Variants in PPIG observed in about 807,000 individuals in gnomAD.
PPIG encodes peptidyl-prolyl cis-trans isomerase G.
Under a neutral mutation model 87.9 loss-of-function variants are expected in PPIG, and 26 were observed. That is an observed-to-expected ratio of 0.30 (90% CI 0.22 to 0.41). PPIG has a LOEUF of 0.41. Among genes scored for constraint, PPIG ranks in the 10% least tolerant of loss-of-function variants. PPIG has a pLI of 1.00. For missense variants in PPIG, 722 were observed against 879.4 expected (o/e 0.82, Z 2.26); for synonymous variants, 308 against 276.5 (o/e 1.11, Z -1.13).
At chr2:169,606,495 G>A (rs550109726) in intron 5 of PPIG, among the ~76,000 whole-genome samples, 35 of 147,422 alleles carry the variant, frequency 2.4e-4, no homozygotes, top group Middle Eastern at 3.3e-3. Context: ...GAGAGGCTGA[G>A]GCAGGAGAAT....
intron 1 of PPIG, among the ~76,000 whole-genome samples, chr2:169,591,794 C>T (rs1290212141): frequency 3.4e-5 from 5 of 148,040 alleles, no homozygotes; most frequent in East Asian, 3.9e-4. Context: ...TTTTTTTTTC[C>T]AAGAAAAATT....
At position 169,617,469 on chromosome 2, in the gene PPIG, G is replaced by A. The variant is rs1005087171; in HGVS notation, c.547+2745G>A. ...CTTTGGGCAGTATGGCCATTTTTAC[G>A]ATATTGATTCTCCCTATCCATGAGC... On this transcript the variant is annotated intron_variant, in intron 9 of 13. Coordinates refer to ENST00000260970, the MANE Select transcript of PPIG (RefSeq NM_004792.3). Among the ~76,000 whole-genome samples the A allele has an allele frequency of 2.6e-5, 4 of 152,052 alleles. 1 individual carries two copies. Among genetic ancestry groups the A allele is most frequent in the Non-Finnish European group, 5.9e-5 (4 of 68,000 alleles).
intron 9 of PPIG, among the ~76,000 whole-genome samples, chr2:169,630,050 TC>T (rs1685995276): frequency 1.3e-5 from 2 of 152,288 alleles, no homozygotes; most frequent in Middle Eastern, 6.8e-3. Context: ...TGGGTCAAGC[TC>T]CTCCCAATTT....
intron 1 of PPIG, among the ~76,000 whole-genome samples, chr2:169,589,435 C>T (rs1390757971): frequency 6.6e-6 from 1 of 152,136 alleles, no homozygotes; most frequent in Non-Finnish European, 1.5e-5. Flanking sequence ...ATATGAACTA[C>T]ATTAAGAGTA....
At chr2:169,604,314 G>C in intron 4 of PPIG, 53 bp downstream of exon 4, 1 of 882,818 alleles carries the variant, frequency 1.1e-6, no homozygotes, top group Admixed American at 2.7e-5. Context: ...ACTATGGCTT[G>C]CTTGCTTGCT....
At chr2:169,634,039 G>C (rs908695709) in intron 12 of PPIG, among the ~76,000 whole-genome samples, 1 of 151,794 alleles carries the variant, frequency 6.6e-6, no homozygotes, top group Non-Finnish European at 1.5e-5. Flanking sequence ...ATGTTGGCCA[G>C]GCTGGTCTCA....
rs1666892402 is a variant in PPIG, at chr2:169,636,944, A to T, written c.1686A>T (p.Thr562=). 6.2e-7 allele frequency: 1 copy of T among 1,613,930 alleles called. No homozygotes were observed. Among genetic ancestry groups the T allele is most frequent in the South Asian group, 1.1e-5 (1 of 91,088 alleles). The part of the protein sequence containing the change: ...TKGKHSYNSR[T]RERSRSRDRS... ...GTAAACACAGTTATAATAGCAGAAC[A>T]AGAGAACGAAGCAGAAGTAGGGACA... Residue 562 remains threonine (T), a synonymous_variant, in exon 14 of 14, where the codon ACA becomes ACT. Coordinates refer to ENST00000260970, the MANE Select transcript of PPIG (RefSeq NM_004792.3).
chr2:169,602,697 G>C (rs1685218207), intron 1 of PPIG, among the ~76,000 whole-genome samples: 1 of 152,134 alleles, frequency 6.6e-6, no homozygotes, highest in Non-Finnish European at 1.5e-5. Context: ...GAGCAGTGCT[G>C]GTCTAGAGCC....
chr2:169,632,495 A>G lies in PPIG; in HGVS notation c.929+562A>G, dbSNP rs554040572. Among the ~76,000 whole-genome samples, 152 of 152,312 alleles carry G rather than the reference A, an allele frequency of 1.0e-3. 1 individual carries two copies. The highest frequency in any genetic ancestry group is 3.5e-3 in the African/African-American group (145 of 41,574). ...AGTGGCTCACGCCTGTAATCCCAGC[A>G]CTTTGGGAGGCTGAGGCGGGCAGAT... On this transcript the variant is annotated intron_variant, in intron 11 of 13. Transcript: ENST00000260970.
intron 9 of PPIG, among the ~76,000 whole-genome samples, chr2:169,623,400 A>G (rs1390032807): frequency 2.0e-5 from 3 of 152,244 alleles, no homozygotes; most frequent in African/African-American, 2.4e-5. Flanking sequence ...CTTGAGAAGT[A>G]GGATATACAT....
At chr2:169,619,866 C>G (rs1266558423) in intron 9 of PPIG, among the ~76,000 whole-genome samples, 5 of 152,020 alleles carry the variant, frequency 3.3e-5, no homozygotes, top group Non-Finnish European at 7.4e-5. Flanking sequence ...TACCTGTTGG[C>G]CATTTGTATG....
chr2:169,636,226 T>G lies in PPIG; in HGVS notation c.1152T>G (p.Asp384Glu). Residue 384 changes from aspartate to glutamate, a missense_variant and splice_region_variant, in exon 13 of 14, where the codon GAT (aspartate) becomes GAG (glutamate). This residue lies in a region of PPIG where 476 missense variants were observed against 483.1 expected (regional missense o/e 0.99). Transcript: ENST00000260970. ...VSSGERWIKG[D>E]KSELNEIKEN... ...GTGGTGAAAGATGGATCAAGGGGGA[T>G]AAGTAAGATTTAACTATTATTATTT... The G allele has an allele frequency of 3.1e-6, 5 of 1,591,006 alleles. No individual in the cohort carries two copies. Among genetic ancestry groups the G allele is most frequent in the Non-Finnish European group, 4.3e-6 (5 of 1,173,642 alleles).
intron 1 of PPIG, among the ~76,000 whole-genome samples, chr2:169,588,088 C>T (rs1404481331): frequency 1.3e-5 from 2 of 152,028 alleles, no homozygotes; most frequent in African/African-American, 4.8e-5. Flanking sequence ...TCGCTTGAAC[C>T]CGGGAGGTGG....
chr2:169,614,030 C>T (rs978138049), intron 7 of PPIG, among the ~76,000 whole-genome samples: 1 of 152,208 alleles, frequency 6.6e-6, no homozygotes, highest in African/African-American at 2.4e-5. Context: ...ATAGCCCGTG[C>T]TTAACTGTTT....
In PPIG at chr2:169,584,363, C is replaced by A. The variant is rs546200343; in HGVS notation, c.-197C>A. The stretch of plus-strand genomic sequence containing the variant: ...ACGCGCTTCCGGTGCGACGCTGTCT[C>A]TCCATGCCAGGACTGAGTTGTGGGG... On this transcript the variant is annotated 5_prime_UTR_variant, in exon 1 of 14. Coordinates refer to ENST00000260970, the MANE Select transcript of PPIG (RefSeq NM_004792.3). 4.2e-6 allele frequency: 2 copies of A among 471,036 alleles called. No homozygotes were observed. Among genetic ancestry groups the A allele is most frequent in the African/African-American group, 4.0e-5 (2 of 50,106 alleles). The allele number at this position is 471,036 out of a possible 1,614,324, so 29.2% of individuals were successfully genotyped here.
At chr2:169,618,509 T>A (rs936875283) in intron 9 of PPIG, among the ~76,000 whole-genome samples, 1 of 152,224 alleles carries the variant, frequency 6.6e-6, no homozygotes, top group African/African-American at 2.4e-5. Context: ...GGTAGTCTGT[T>A]AATTACTGCC....
At chr2:169,621,046 A>T (rs1685734318) in intron 9 of PPIG, among the ~76,000 whole-genome samples, 1 of 152,104 alleles carries the variant, frequency 6.6e-6, no homozygotes. Flanking sequence ...TAAGTTCTTT[A>T]CTGTGTCAGG....
intron 9 of PPIG, among the ~76,000 whole-genome samples, chr2:169,621,914 G>A (rs1021641364): frequency 1.3e-4 from 18 of 143,194 alleles, no homozygotes; most frequent in Non-Finnish European, 2.3e-4. Context: ...CAACATTGTG[G>A]GACTCTTCCC....
Position 169,641,140 on chromosome 2 carries a change from TC to T in PPIG, c.*3618del, listed in dbSNP as rs58189878. The T allele has an allele frequency of 6.6e-6, 1 of 152,170 alleles. No homozygotes were observed. The highest frequency in any genetic ancestry group is 1.5e-5 in the Non-Finnish European group (1 of 68,024). 9.4% of individuals were successfully genotyped at this position (152,170 alleles called of 1,614,324 possible). A position where few individuals can be genotyped will look rare whatever the true frequency, so the allele number is the denominator to read the frequency against. ...GGGATGTACAAAATTGTGGCCGCTC[TC>T]TTTGTGGAAGGAAAAAACATAAATG... On this transcript the variant is annotated 3_prime_UTR_variant, in exon 14 of 14. Coordinates refer to ENST00000260970, the MANE Select transcript of PPIG (RefSeq NM_004792.3).
Sources: gnomAD v4.1 joint callset for allele counts (sites outside exome capture counted in the v4.1 genomes callset) on GRCh38, gnomAD v4.1.1 for gene constraint, gnomAD v4.1.1 regional missense constraint, MANE v1.5 for transcripts, NCBI Gene and HGNC (gene_info 2026-07-23, HGNC 2026-07-21) for gene names.